The following SH3GL3 variants were observed in gnomAD, a reference collection of about 807,000 sequenced individuals.
SH3GL3 encodes the protein endophilin-A3.
In SH3GL3, 33 loss-of-function variants were observed where a neutral mutation model predicts 47.7. The observed-to-expected ratio is 0.69, with a 90% CI of 0.52 to 0.92. The LOEUF (loss-of-function observed/expected upper bound fraction) is 0.92. SH3GL3 is among the 40% of genes least tolerant of loss of function. The pLI is 0.00. For synonymous variants in SH3GL3, 155 were observed against 148.8 expected, an observed-to-expected ratio of 1.04 and a Z score of -0.30; for missense variants, 363 against 417.8, an observed-to-expected ratio of 0.87 and a Z score of 1.14.
chr15:83,528,242 C>T (rs2043511548), intron 1 of SH3GL3, among the ~76,000 whole-genome samples: 1 of 152,144 alleles, frequency 6.6e-6, no homozygotes, highest in African/African-American at 2.4e-5. Context: ...CTCTGTCTAT[C>T]TTTGGCTTTT....
chr15:83,623,020 A>C (rs2060919204), downstream of SH3GL3, among the ~76,000 whole-genome samples: 1 of 152,222 alleles, frequency 6.6e-6, no homozygotes, highest in Non-Finnish European at 1.5e-5. Flanking sequence ...TGGAGATGGG[A>C]TCCTAAAGCA....
intron 8 of SH3GL3, among the ~76,000 whole-genome samples, chr15:83,607,161 T>C (rs557281380): frequency 1.3e-5 from 2 of 152,372 alleles, no homozygotes; most frequent in East Asian, 3.9e-4. Flanking sequence ...TTTGCTGAAA[T>C]GATCTCAAGT....
intron 1 of SH3GL3, among the ~76,000 whole-genome samples, chr15:83,494,326 G>T (rs995161834): frequency 3.3e-5 from 5 of 152,194 alleles, no homozygotes; most frequent in African/African-American, 1.2e-4. Flanking sequence ...GAACCTGCAG[G>T]CTGAAGATCT....
At chr15:83,626,492 A>C in the SH3GL3 span, among the ~76,000 whole-genome samples, 1 of 152,242 alleles carries the variant, frequency 6.6e-6, no homozygotes, top group Admixed American at 6.5e-5. Context: ...TTCAGAATAC[A>C]GAAGCCCCTT....
intron 1 of SH3GL3, among the ~76,000 whole-genome samples, chr15:83,484,924 A>G (rs530563880): frequency 5.6e-4 from 85 of 152,208 alleles, no homozygotes; most frequent in Admixed American, 6.5e-4. Flanking sequence ...TTAATTTAGT[A>G]GTTTTAAAGT....
chr15:83,489,881 AGATAGATAATAG>A (rs1231570104), intron 1 of SH3GL3, among the ~76,000 whole-genome samples: 47 of 149,284 alleles, frequency 3.1e-4, no homozygotes, highest in African/African-American at 9.2e-4. Context: ...ATAGATAGAT[AGATAGATAATAG>A]ATAGATAGAT....
At chr15:83,620,611 T>G (rs1428259686), downstream of SH3GL3, among the ~76,000 whole-genome samples, 1 of 152,202 alleles carries the variant, frequency 6.6e-6, no homozygotes, top group Non-Finnish European at 1.5e-5. Flanking sequence ...AAATATTTAG[T>G]AAGCCATGCT....
chr15:83,546,369 G>C (rs896011283), intron 1 of SH3GL3, among the ~76,000 whole-genome samples: 3 of 151,478 alleles, frequency 2.0e-5, no homozygotes, highest in Admixed American at 1.3e-4. Context: ...AAGGCCCAAG[G>C]GGTCTTTATT....
At chr15:83,621,883 T>C (rs985608008), downstream of SH3GL3, among the ~76,000 whole-genome samples, 10 of 152,302 alleles carry the variant, frequency 6.6e-5, no homozygotes, top group African/African-American at 2.4e-4. Flanking sequence ...GCCAGACTGA[T>C]CACCTAAATC....
chr15:83,584,134 C>T lies in SH3GL3; in HGVS notation c.625-2849C>T, dbSNP rs115381878. On this transcript the variant is annotated intron_variant, in intron 6 of 8. Transcript: ENST00000427482. ...CTGGAGGCTCTTGAGGAAGAAGCTGCTTCTTTGCCTTTTCCAGCTTCTACA... is the reference window on the plus strand; with the variant it reads ...CTGGAGGCTCTTGAGGAAGAAGCTGTTTCTTTGCCTTTTCCAGCTTCTACA... 6.6e-5 allele frequency among the ~76,000 whole-genome samples: 10 copies of T among 152,242 alleles called. 1 individual carries two copies. Among genetic ancestry groups the T allele is most frequent in the African/African-American group, 2.2e-4 (9 of 41,544 alleles).
intron 1 of SH3GL3, among the ~76,000 whole-genome samples, chr15:83,466,169 G>A (rs1247127357): frequency 2.0e-5 from 3 of 152,090 alleles, no homozygotes; most frequent in Non-Finnish European, 2.9e-5. Flanking sequence ...AAGTGTCAGC[G>A]TAATACTATA....
intron 1 of SH3GL3, among the ~76,000 whole-genome samples, chr15:83,539,555 G>A (rs955880143): frequency 2.0e-5 from 3 of 152,082 alleles, no homozygotes; most frequent in Admixed American, 6.6e-5. Flanking sequence ...CCTATACAAG[G>A]CTCCTTTGAC....
intron 1 of SH3GL3, among the ~76,000 whole-genome samples, chr15:83,460,810 T>G (rs1398677937): frequency 1.3e-5 from 2 of 151,988 alleles, no homozygotes; most frequent in Admixed American, 6.6e-5. Context: ...ACAGGCCGGG[T>G]GCGGTGGCTT....
At chr15:83,616,235 G>A (rs2060809937) in intron 8 of SH3GL3, among the ~76,000 whole-genome samples, 1 of 146,528 alleles carries the variant, frequency 6.8e-6, no homozygotes. Flanking sequence ...AAAAGTAATG[G>A]TAAAAATTGT....
intron 1 of SH3GL3, among the ~76,000 whole-genome samples, chr15:83,516,471 A>G (rs1430193065): frequency 2.0e-5 from 3 of 152,176 alleles, no homozygotes; most frequent in Non-Finnish European, 2.9e-5. Flanking sequence ...ATTTATAAGA[A>G]AAGAGATTTA....
intron 1 of SH3GL3, among the ~76,000 whole-genome samples, chr15:83,498,853 T>G (rs2042180600): frequency 6.6e-6 from 1 of 152,188 alleles, no homozygotes; most frequent in African/African-American, 2.4e-5. Flanking sequence ...CCCTTGTGTC[T>G]GCTGGCCTAG....
At chr15:83,497,889 A>G (rs2042143963) in intron 1 of SH3GL3, among the ~76,000 whole-genome samples, 1 of 152,212 alleles carries the variant, frequency 6.6e-6, no homozygotes, top group Non-Finnish European at 1.5e-5. Flanking sequence ...ATCGTCTACT[A>G]TGATTCCTAC....
chr15:83,543,951 C>CA (rs35491078), intron 1 of SH3GL3, among the ~76,000 whole-genome samples: 11,944 of 151,760 alleles, frequency 0.079, 512 homozygotes, highest in Middle Eastern at 0.14. Flanking sequence ...TTCGTCTTTT[C>CA]AAAAAAACCA....
chr15:83,534,452 C>T (rs144444055), intron 1 of SH3GL3, among the ~76,000 whole-genome samples: 138 of 152,208 alleles, frequency 9.1e-4, no homozygotes, highest in Non-Finnish European at 1.4e-3. Context: ...CCGAAAGATT[C>T]GAAACCTTTG....
Sources: allele counts gnomAD v4.1 joint callset (sites outside exome capture counted in the v4.1 genomes callset), GRCh38; gene constraint gnomAD v4.1.1; transcripts MANE v1.5; gene names NCBI Gene and HGNC (gene_info 2026-07-23, HGNC 2026-07-21).